NTRK3: variants seen among roughly 807,000 people sequenced by gnomAD.
The protein encoded by NTRK3 is NT-3 growth factor receptor.
In NTRK3, 24 loss-of-function variants were observed where a neutral mutation model predicts 91.7. That is an observed-to-expected ratio of 0.26 (90% CI 0.19 to 0.37). NTRK3 has a LOEUF of 0.37. Among genes scored for constraint, NTRK3 ranks in the 10% least tolerant of loss-of-function variants. The pLI, the probability that NTRK3 is intolerant of heterozygous loss-of-function variation, is 1.00. For synonymous variants in NTRK3, 483 were observed against 404.0 expected (o/e 1.20, Z -2.34); for missense variants, 880 against 1,068.9 (o/e 0.82, Z 2.46).
At chr15:88,065,024 G>C (rs2046526765) in intron 13 of NTRK3, among the ~76,000 whole-genome samples, 1 of 152,148 alleles carries the variant, frequency 6.6e-6, no homozygotes, top group Non-Finnish European at 1.5e-5. Context: ...ACAAGTTTTT[G>C]TACTGAATCA....
intron 5 of NTRK3, among the ~76,000 whole-genome samples, chr15:88,160,507 C>A (rs2044350972): frequency 1.3e-5 from 2 of 152,232 alleles, no homozygotes; most frequent in Non-Finnish European, 2.9e-5. Context: ...TTGCTGACAG[C>A]TCAGACCTCC....
At chr15:88,143,581 A>G (rs1005737369) in intron 6 of NTRK3, among the ~76,000 whole-genome samples, 7 of 152,226 alleles carry the variant, frequency 4.6e-5, no homozygotes, top group African/African-American at 1.7e-4. Flanking sequence ...AATGGAGATC[A>G]TTGTGCTTGA....
chr15:88,172,945 T>C (rs139341203), intron 5 of NTRK3, among the ~76,000 whole-genome samples: 1 of 152,228 alleles, frequency 6.6e-6, no homozygotes, highest in African/African-American at 2.4e-5. Flanking sequence ...AGGAGACTAA[T>C]GGTATGAGGG....
chr15:87,945,685 G>C (rs184611199), intron 14 of NTRK3, among the ~76,000 whole-genome samples: 2 of 150,616 alleles, frequency 1.3e-5, no homozygotes, highest in Admixed American at 6.6e-5. Context: ...TCACCTCCCT[G>C]TTCTGGGAGA....
At chr15:88,109,168 G>A (rs1225538361) in intron 13 of NTRK3, among the ~76,000 whole-genome samples, 1 of 152,214 alleles carries the variant, frequency 6.6e-6, no homozygotes, top group Non-Finnish European at 1.5e-5. Flanking sequence ...GGTAGAACAG[G>A]TGGCAGATCA....
chr15:88,011,695 G>A (rs1327845751), intron 14 of NTRK3, among the ~76,000 whole-genome samples: 1 of 152,152 alleles, frequency 6.6e-6, no homozygotes, highest in Admixed American at 6.5e-5. Context: ...TAGGACACCA[G>A]CTTCTACATG....
rs1482659548 is a variant in NTRK3 at position 88,029,836 on chromosome 15, A to T, written c.1585+3021T>A. Among the ~76,000 whole-genome samples the T allele has an allele frequency of 2.0e-5, 3 of 152,280 alleles. No homozygotes were observed. The East Asian group carries it at 5.8e-4, about 29-fold the overall frequency. ...GTCTTGGAGTCTGTTCCCTCGACTG[A>T]TGAAGGCTTGGTTAATCAGAGACCT... On this transcript the variant is annotated intron_variant, in intron 14 of 18. Coordinates refer to ENST00000394480, the Ensembl canonical transcript of NTRK3.
intron 13 of NTRK3, among the ~76,000 whole-genome samples, chr15:88,076,672 T>TA (rs34053167): frequency 0.013 from 1,514 of 120,350 alleles, 25 homozygotes; most frequent in African/African-American, 0.041. Context: ...TATACATATG[T>TA]AAAAAAAAAA....
chr15:88,121,896 G>T (rs1471287415), intron 13 of NTRK3, among the ~76,000 whole-genome samples: 3 of 152,334 alleles, frequency 2.0e-5, no homozygotes, highest in East Asian at 3.9e-4. Context: ...TCCAAAAGAA[G>T]ATGAGCTTGT....
chr15:88,082,049 G>A (rs192217899), intron 13 of NTRK3, among the ~76,000 whole-genome samples: 1 of 152,306 alleles, frequency 6.6e-6, no homozygotes, highest in Non-Finnish European at 1.5e-5. Flanking sequence ...GGCTGAGGCA[G>A]GCAGATCACG....
chr15:88,172,237 A>C lies in NTRK3; in HGVS notation c.395+11181T>G, dbSNP rs189087801. On this transcript the variant is annotated intron_variant, in intron 5 of 18. Transcript: ENST00000394480. ...TTAAGAGGAAACAAGGGAGAAAGAG[A>C]CACAAACCTGTTAGCCTGCTAAGGA... is the stretch of plus-strand genomic sequence containing the variant. Among the ~76,000 whole-genome samples, 9 of 152,382 alleles carry C rather than the reference A, an allele frequency of 5.9e-5. No individual in the cohort carries two copies. The East Asian group carries it at 1.7e-3, about 29-fold the overall frequency.
At chr15:88,045,526 A>T (rs2142201216) in intron 13 of NTRK3, among the ~76,000 whole-genome samples, 1 of 152,352 alleles carries the variant, frequency 6.6e-6, no homozygotes, top group East Asian at 1.9e-4. Context: ...TACCCCAGAC[A>T]CTGGTAGGCA....
intron 5 of NTRK3, among the ~76,000 whole-genome samples, chr15:88,153,243 T>C (rs922285290): frequency 4.6e-5 from 7 of 152,222 alleles, no homozygotes; most frequent in African/African-American, 1.7e-4. Context: ...CTTTATTTTT[T>C]GTTTTTTATT....
chr15:87,989,793 G>T (rs1297170503), intron 14 of NTRK3, among the ~76,000 whole-genome samples: 2 of 152,060 alleles, frequency 1.3e-5, no homozygotes, highest in East Asian at 3.9e-4. Context: ...TTTTAGTAGA[G>T]ATGTGGTTTC....
At chr15:88,110,794 T>A (rs1480123895) in intron 13 of NTRK3, among the ~76,000 whole-genome samples, 1 of 152,114 alleles carries the variant, frequency 6.6e-6, no homozygotes, top group East Asian at 1.9e-4. Context: ...CTGGGCCCAA[T>A]TTTCATTTCA....
intron 17 of NTRK3, among the ~76,000 whole-genome samples, chr15:87,891,508 T>C (rs527638652): frequency 2.0e-4 from 30 of 152,344 alleles, no homozygotes; most frequent in Non-Finnish European, 2.6e-4. Flanking sequence ...CCCTGTTCTC[T>C]TCCTCCTACA....
At chr15:87,990,730 A>G (rs1455854317) in intron 14 of NTRK3, among the ~76,000 whole-genome samples, 2 of 152,032 alleles carry the variant, frequency 1.3e-5, no homozygotes, top group African/African-American at 4.8e-5. Context: ...TTGCTGTTAT[A>G]TTCCCTTTTG....
intron 3 of NTRK3, among the ~76,000 whole-genome samples, chr15:88,213,025 A>G: frequency 6.6e-6 from 1 of 152,216 alleles, no homozygotes; most frequent in Non-Finnish European, 1.5e-5. Context: ...GCCCATGCAG[A>G]ATGGCCCCGT....
intron 5 of NTRK3, among the ~76,000 whole-genome samples, chr15:88,176,784 T>C (rs982737529): frequency 1.3e-5 from 2 of 152,250 alleles, no homozygotes; most frequent in Admixed American, 6.5e-5. Context: ...CACGGAAGTT[T>C]ACATTCCAGT....
Sources: gnomAD v4.1 joint callset for allele counts (sites outside exome capture counted in the v4.1 genomes callset) on GRCh38, gnomAD v4.1.1 for gene constraint, MANE v1.5 for transcripts, NCBI Gene and HGNC (gene_info 2026-07-23, HGNC 2026-07-21) for gene names.